The following CADPS variants were observed in gnomAD, a reference collection of about 807,000 sequenced individuals.
CADPS encodes calcium-dependent secretion activator 1.
CADPS carries 57 observed loss-of-function variants against 167.3 expected under a neutral mutation model. The ratio of observed to expected loss-of-function variants is 0.34; its 90% confidence interval spans 0.28 to 0.42. CADPS has a LOEUF of 0.42. Among genes scored for constraint, CADPS ranks in the 20% least tolerant of loss-of-function variants. The pLI is 1.00. For synonymous variants in CADPS, 676 were observed against 635.3 expected, an observed-to-expected ratio of 1.06 and a Z score of -0.96; for missense variants, 1,414 against 1,738.1, an observed-to-expected ratio of 0.81 and a Z score of 3.32.
At chr3:62,506,497 C>G (rs57384528) in intron 17 of CADPS, among the ~76,000 whole-genome samples, 1 of 152,048 alleles carries the variant, frequency 6.6e-6, no homozygotes, top group Non-Finnish European at 1.5e-5. Context: ...AATGGTTTTT[C>G]TTCTCTAATT....
chr3:62,662,218 T>G, intron 4 of CADPS, 96 bp downstream of exon 4: 1 of 1,078,964 alleles, frequency 9.3e-7, no homozygotes, highest in African/African-American at 1.5e-5. Flanking sequence ...CCTCTCTGCT[T>G]CTCAGCTTTA....
At chr3:62,839,826 A>T (rs917131056) in intron 1 of CADPS, among the ~76,000 whole-genome samples, 4 of 152,130 alleles carry the variant, frequency 2.6e-5, no homozygotes, top group Admixed American at 2.0e-4. Flanking sequence ...CAGTTAAGAG[A>T]TAAACATGGA....
At chr3:62,428,295 A>ATTTT (rs2053176465) in intron 28 of CADPS, among the ~76,000 whole-genome samples, 1 of 64,372 alleles carries the variant, frequency 1.6e-5, no homozygotes, top group African/African-American at 8.1e-5. Flanking sequence ...TGGAAGCAAG[A>ATTTT]CTTTTTTTTT....
At chr3:62,442,585 T>C (rs988955298) in intron 27 of CADPS, among the ~76,000 whole-genome samples, 3 of 152,164 alleles carry the variant, frequency 2.0e-5, no homozygotes, top group African/African-American at 4.8e-5. Flanking sequence ...GTTTACCAAT[T>C]TGCATGGTGT....
chr3:62,778,954 G>C (rs527616956), intron 1 of CADPS, among the ~76,000 whole-genome samples: 1 of 150,850 alleles, frequency 6.6e-6, no homozygotes, highest in Non-Finnish European at 1.5e-5. Context: ...CCAGTGGCAC[G>C]ATCTCAGCTC....
Position 62,514,350 on chromosome 3 carries a change from T to A in CADPS, c.2582-1582A>T, listed in dbSNP as rs532489445. 1.7e-4 allele frequency among the ~76,000 whole-genome samples: 26 copies of A among 152,094 alleles called. No homozygotes were observed. In the East Asian group the frequency reaches 5.1e-3, roughly 30 times the overall value. On this transcript the variant is annotated intron_variant, in intron 16 of 29. Coordinates refer to ENST00000383710, the MANE Select transcript of CADPS (RefSeq NM_003716.4). This position sits in a 1 kb window ranked among gnomAD's most constrained non-coding sequence, Gnocchi z 4.2. ...ATCCCAGCATGCTTTGAAATTGGTG[T>A]CTCAGCCACTTTTGCAGAGGTCACA...
chr3:62,497,045 GC>G (rs1208791294), intron 18 of CADPS, among the ~76,000 whole-genome samples: 1 of 152,098 alleles, frequency 6.6e-6, no homozygotes, highest in East Asian at 1.9e-4. Context: ...AATTTGAATG[GC>G]TTTTGAATAT....
At chr3:62,646,964 T>C (rs748301715) in intron 5 of CADPS, among the ~76,000 whole-genome samples, 2 of 152,162 alleles carry the variant, frequency 1.3e-5, no homozygotes, top group Non-Finnish European at 2.9e-5. Flanking sequence ...AGATGTATCA[T>C]TTACAGTTTC....
chr3:62,770,026 C>T (rs304193), intron 1 of CADPS, among the ~76,000 whole-genome samples: 110,653 of 152,150 alleles, frequency 0.73, 40,381 homozygotes, highest in East Asian at 0.86. Flanking sequence ...CTCTGCATGA[C>T]GTACCCTGAC....
intron 6 of CADPS, among the ~76,000 whole-genome samples, chr3:62,608,314 G>T (rs2060985049): frequency 6.7e-6 from 1 of 148,562 alleles, no homozygotes. Flanking sequence ...ACAGGATCTT[G>T]CTGTGTCACC....
At chr3:62,451,512 G>A (rs935670570) in intron 26 of CADPS, among the ~76,000 whole-genome samples, 18 of 150,434 alleles carry the variant, frequency 1.2e-4, no homozygotes, top group African/African-American at 4.4e-4. Context: ...TTTGCAAACA[G>A]AAGTCTGGTG....
At chr3:62,764,900 C>G (rs2086461256) in intron 2 of CADPS, among the ~76,000 whole-genome samples, 1 of 152,194 alleles carries the variant, frequency 6.6e-6, no homozygotes, top group African/African-American at 2.4e-5. Context: ...TACCTATCTT[C>G]AAGTTTACCA....
At chr3:62,866,602 T>G (rs1258497300) in intron 1 of CADPS, among the ~76,000 whole-genome samples, 2 of 152,024 alleles carry the variant, frequency 1.3e-5, no homozygotes, top group African/African-American at 4.8e-5. Flanking sequence ...ACACTTGAGT[T>G]ATAATAATTA....
At chr3:62,484,065 C>G (rs1345080234) in intron 21 of CADPS, among the ~76,000 whole-genome samples, 1 of 152,094 alleles carries the variant, frequency 6.6e-6, no homozygotes, top group African/African-American at 2.4e-5. Flanking sequence ...AAAAAAAATA[C>G]TTCTATTAAT....
rs1302321582 is a variant in CADPS at position 62,592,736 on chromosome 3, C to A, written c.1338G>T (p.Gln446His). The A allele has an allele frequency of 6.2e-7, 1 of 1,613,806 alleles. No individual in the cohort carries two copies. Among genetic ancestry groups the A allele is most frequent in the Admixed American group, 1.7e-5 (1 of 60,022 alleles). Residue 446 changes from glutamine (Q) to histidine (H), a missense_variant, in exon 7 of 30, where the codon CAG becomes CAT. By Grantham distance (24) the Gln-to-His change is conservative. This residue lies in a region of CADPS where 157 missense variants were observed against 229.4 expected (regional missense o/e 0.68). Transcript: ENST00000383710. ...GTGCATGGGTTGTGGAGAAGTCACC[C>A]TGGGTGCCCCAGCTGCAGACAGAAT... Reference protein sequence around the residue: ...AEASKPTWGTQGDFSTTHALP... With the variant: ...AEASKPTWGTHGDFSTTHALP...
At chr3:62,735,695 T>C (rs1230197111) in intron 3 of CADPS, among the ~76,000 whole-genome samples, 1 of 152,144 alleles carries the variant, frequency 6.6e-6, no homozygotes, top group Non-Finnish European at 1.5e-5. Flanking sequence ...CTCTTGCCAA[T>C]GGGATCTGAG....
In CADPS at chr3:62,420,861, AACACACACACACACACACACACAC is replaced by A. The variant is rs775850925; in HGVS notation, c.3777+17219_3777+17242del. On this transcript the variant is annotated intron_variant, in intron 28 of 29. Coordinates refer to ENST00000383710, the MANE Select transcript of CADPS (RefSeq NM_003716.4). The surrounding 1 kb of genome is among the most constrained non-coding windows in gnomAD (Gnocchi z 4.1). ...TTTTCTCTTTATGGGAGGGAGAACG[AACACACACACACACACACACACAC>A]ACACACACACACACACAGGCACACA... Among the ~76,000 whole-genome samples, 1 of 133,852 alleles carries A rather than the reference AACACACACACACACACACACACAC, an allele frequency of 7.5e-6. No homozygotes were observed. Among genetic ancestry groups the A allele is most frequent in the Admixed American group, 7.4e-5 (1 of 13,516 alleles). 87.8% of individuals were successfully genotyped at this position (133,852 alleles called of 152,430 possible).
intron 8 of CADPS, among the ~76,000 whole-genome samples, chr3:62,582,118 G>A (rs2083543548): frequency 1.3e-5 from 2 of 152,106 alleles, no homozygotes; most frequent in Non-Finnish European, 1.5e-5. Flanking sequence ...CCTTAACATG[G>A]GAACAATTTA....
At chr3:62,442,725 C>A (rs370156598) in intron 27 of CADPS, among the ~76,000 whole-genome samples, 16 of 152,254 alleles carry the variant, frequency 1.1e-4, no homozygotes, top group Admixed American at 3.3e-4. Context: ...GAAGTGCAGG[C>A]TTTATGGTCC....
Sources: allele counts gnomAD v4.1 joint callset (sites outside exome capture counted in the v4.1 genomes callset), GRCh38; gene constraint gnomAD v4.1.1; regional missense constraint gnomAD v4.1.1; non-coding constraint Gnocchi (gnomAD v3.1); transcripts MANE v1.5; gene names NCBI Gene and HGNC (gene_info 2026-07-23, HGNC 2026-07-21).